NAF1: variants seen among roughly 807,000 people sequenced by gnomAD.
NAF1 encodes H/ACA ribonucleoprotein complex non-core subunit NAF1.
NAF1 carries 11 observed loss-of-function variants against 40.6 expected under a neutral mutation model. The observed-to-expected ratio is 0.27, with a 90% CI of 0.17 to 0.45. NAF1 has a LOEUF of 0.45. Ranked by LOEUF, NAF1 falls within the 20% of genes least tolerant of loss-of-function variation. NAF1 has a pLI of 1.00. For missense variants in NAF1, 607 were observed against 611.1 expected (o/e 0.99, Z 0.07); for synonymous variants, 260 against 228.5 (o/e 1.14, Z -1.24).
At chr4:163,150,853 TAA>T (rs1434015732) in intron 2 of NAF1, among the ~76,000 whole-genome samples, 1 of 152,130 alleles carries the variant, frequency 6.6e-6, no homozygotes, top group Non-Finnish European at 1.5e-5. Context: ...AATTTCTTCT[TAA>T]AAAGTCACGT....
chr4:163,148,694 T>C (rs947186115), intron 2 of NAF1, among the ~76,000 whole-genome samples: 2 of 152,176 alleles, frequency 1.3e-5, no homozygotes, highest in Admixed American at 6.5e-5. Context: ...ATAAGTACTA[T>C]TCTACATTCT....
chr4:163,138,229 C>T (rs898697819), intron 5 of NAF1, among the ~76,000 whole-genome samples: 3 of 152,096 alleles, frequency 2.0e-5, no homozygotes, highest in Middle Eastern at 3.4e-3. Flanking sequence ...ATTTTTGATT[C>T]GGAACTTTGA....
chr4:163,145,922 T>C, intron 3 of NAF1, 58 bp from the exon 4 acceptor site: 1 of 908,394 alleles, frequency 1.1e-6, no homozygotes. Flanking sequence ...AGAATTTTAA[T>C]GAAAATCTAA....
downstream of NAF1, among the ~76,000 whole-genome samples, chr4:163,109,062 T>G (rs566102516): frequency 6.6e-6 from 1 of 152,250 alleles, no homozygotes; most frequent in East Asian, 1.9e-4. Context: ...TTTCTGACTG[T>G]ACTTATCATA....
intron 2 of NAF1, among the ~76,000 whole-genome samples, chr4:163,114,711 G>A (rs1730272887): frequency 6.6e-6 from 1 of 151,972 alleles, no homozygotes; most frequent in Non-Finnish European, 1.5e-5. Flanking sequence ...TCAGATTTTG[G>A]CATCAAGTTT....
rs1167379123 is a variant in NAF1, at chr4:163,133,923, G to A, written c.931-667C>T. ...CTCCTGAGTAGCTGGGATTACAGGC[G>A]CACGCCACCATGCCCAACTAATTTT... On this transcript the variant is annotated intron_variant, in intron 6 of 7. Transcript: ENST00000274054. 4.6e-5 allele frequency among the ~76,000 whole-genome samples: 7 copies of A among 152,054 alleles called. No individual in the cohort carries two copies. In the South Asian group the frequency reaches 6.3e-4, roughly 14 times the overall value.
At chr4:163,141,610 A>C (rs1490902272) in intron 4 of NAF1, among the ~76,000 whole-genome samples, 1 of 152,198 alleles carries the variant, frequency 6.6e-6, no homozygotes, top group East Asian at 1.9e-4. Flanking sequence ...GGCAGCTTCC[A>C]ATTTGTTCAA....
chr4:163,162,349 T>G (rs1386720497), intron 2 of NAF1, among the ~76,000 whole-genome samples: 1 of 152,194 alleles, frequency 6.6e-6, no homozygotes, highest in African/African-American at 2.4e-5. Flanking sequence ...TAGGGCAGAC[T>G]GGGAAACTCA....
At chr4:163,122,741 A>G (rs1298660834), downstream of NAF1, among the ~76,000 whole-genome samples, 7 of 152,146 alleles carry the variant, frequency 4.6e-5, no homozygotes, top group Non-Finnish European at 2.9e-5. Context: ...CTACCATTAT[A>G]AGGGTGAGTT....
chr4:163,144,214 T>C (rs1309783244), intron 4 of NAF1, among the ~76,000 whole-genome samples: 1 of 152,190 alleles, frequency 6.6e-6, no homozygotes, highest in Non-Finnish European at 1.5e-5. Context: ...AATCTGAGAC[T>C]GTCCTCCCTT....
At chr4:163,122,086 C>T (rs965429594), downstream of NAF1, among the ~76,000 whole-genome samples, 1 of 152,108 alleles carries the variant, frequency 6.6e-6, no homozygotes, top group African/African-American at 2.4e-5. Context: ...AAAGAAAATA[C>T]ATACAAATGA....
chr4:163,160,429 T>C (rs1732170884), intron 2 of NAF1, among the ~76,000 whole-genome samples: 1 of 152,150 alleles, frequency 6.6e-6, no homozygotes, highest in Admixed American at 6.5e-5. Context: ...AACCTAATTT[T>C]AAAAATTATA....
At chr4:163,154,400 A>G (rs1391565936) in intron 2 of NAF1, among the ~76,000 whole-genome samples, 1 of 152,204 alleles carries the variant, frequency 6.6e-6, no homozygotes, top group Non-Finnish European at 1.5e-5. Context: ...TATACAAAAT[A>G]TGTAAGAGGT....
intron 2 of NAF1, chr4:163,157,157 A>G (rs1732020122): frequency 6.6e-6 from 1 of 152,122 alleles, no homozygotes; most frequent in Admixed American, 6.5e-5. Context: ...CCCACACACT[A>G]CACAGTTCCA....
chr4:163,158,844 T>C (rs1732100177), intron 2 of NAF1, among the ~76,000 whole-genome samples: 1 of 151,914 alleles, frequency 6.6e-6, no homozygotes, highest in South Asian at 2.1e-4. Context: ...TGCCACAGAG[T>C]ATTAGCCTAA....
exon 3 of NAF1, chr4:163,110,278 A>C (rs1231661104): frequency 1.4e-6 from 1 of 701,364 alleles, no homozygotes; most frequent in African/African-American, 1.7e-5. Flanking sequence ...AGTTACCTTC[A>C]GTCAACCATG....
chr4:163,106,682 TTTAA>T (rs1185969145), downstream of NAF1, among the ~76,000 whole-genome samples: 4 of 152,156 alleles, frequency 2.6e-5, no homozygotes, highest in Non-Finnish European at 4.4e-5. Context: ...AATAATTTAT[TTTAA>T]TTAATAAATA....
intron 2 of NAF1, among the ~76,000 whole-genome samples, chr4:163,149,981 G>C (rs570350536): frequency 1.3e-5 from 2 of 152,066 alleles, no homozygotes; most frequent in Non-Finnish European, 2.9e-5. Context: ...AGTGGCAAAT[G>C]TCATTTGCTA....
chr4:163,118,233 G>A (rs561479670), intron 2 of NAF1, among the ~76,000 whole-genome samples: 28 of 152,218 alleles, frequency 1.8e-4, no homozygotes, highest in African/African-American at 5.3e-4. Context: ...ATCAGAAAGC[G>A]GTATCTAGAA....
Sources: allele counts gnomAD v4.1 joint callset (sites outside exome capture counted in the v4.1 genomes callset), GRCh38; gene constraint gnomAD v4.1.1; transcripts MANE v1.5; gene names NCBI Gene and HGNC (gene_info 2026-07-23, HGNC 2026-07-21).